COL11A1: variants seen among roughly 807,000 people sequenced by gnomAD.
The protein encoded by COL11A1 is collagen alpha-1(XI) chain.
A neutral mutation model predicts 265.2 loss-of-function variants in COL11A1; 74 were observed. The observed-to-expected ratio is 0.28, with a 90% CI of 0.23 to 0.34. COL11A1 has a LOEUF of 0.34. COL11A1 is among the 10% of genes least tolerant of loss of function. COL11A1 has a pLI of 1.00. For missense variants in COL11A1, 2,165 were observed against 2,263.6 expected (o/e 0.96, Z 0.88); for synonymous variants, 816 against 727.6 (o/e 1.12, Z -1.96).
intron 9 of COL11A1, among the ~76,000 whole-genome samples, chr1:103,021,308 A>G (rs1322459251): frequency 6.6e-6 from 1 of 152,068 alleles, no homozygotes. Flanking sequence ...TATATTTCAA[A>G]TAATGTGAAG....
intron 4 of COL11A1, among the ~76,000 whole-genome samples, chr1:103,049,879 G>A (rs1461011187): frequency 2.0e-5 from 3 of 152,172 alleles, no homozygotes; most frequent in African/African-American, 7.2e-5. Flanking sequence ...CGCTGGAAAT[G>A]AAATCCTGGG....
chr1:103,031,373 C>G (rs1418463522), intron 4 of COL11A1, 129 bp from the exon 5 acceptor site: 2 of 1,147,124 alleles, frequency 1.7e-6, no homozygotes, highest in Non-Finnish European at 2.5e-6. Flanking sequence ...ACTTATATTT[C>G]AATGTTAAGA....
chr1:102,906,983 C>T (rs1380201485), intron 54 of COL11A1, among the ~76,000 whole-genome samples: 1 of 151,980 alleles, frequency 6.6e-6, no homozygotes, highest in Admixed American at 6.6e-5. Context: ...GCCAGTTTAT[C>T]CAAACCTAAT....
chr1:103,015,700 G>A lies in COL11A1; in HGVS notation c.1456C>T (p.Pro486Ser), dbSNP rs1329454071. The change falls in exon 12 of 67, where the codon CCT (proline) becomes TCT (serine). Residue 486 changes from proline (P) to serine (S), a missense_variant. Physicochemically the swap from Pro to Ser is moderately conservative, Grantham distance 74. Coordinates refer to ENST00000370096, the MANE Select transcript of COL11A1 (RefSeq NM_001854.4). Reference sequence around the variant, plus strand: ...ATCAACATAGTACCAGGAGGACCAGGTAGACCATCAGCCCCTGGTAAGCCA... The same window carrying A: ...ATCAACATAGTACCAGGAGGACCAGATAGACCATCAGCCCCTGGTAAGCCA... ...RPGLPGADGL[P>S]GPPGTMLMLP... 3 of 1,609,376 alleles carry A rather than the reference G, an allele frequency of 1.9e-6. No individual in the cohort carries two copies. Among genetic ancestry groups the A allele is most frequent in the Non-Finnish European group, 2.5e-6 (3 of 1,177,452 alleles).
intron 9 of COL11A1, among the ~76,000 whole-genome samples, chr1:103,021,093 T>C (rs77121313): frequency 0.042 from 6,289 of 150,542 alleles, 229 homozygotes; most frequent in African/African-American, 0.095. Flanking sequence ...TTCTAATACA[T>C]TAGTTTTTCT....
chr1:102,905,432 GGAAGAAAA>G (rs1653853420), intron 54 of COL11A1, among the ~76,000 whole-genome samples: 1 of 148,054 alleles, frequency 6.8e-6, no homozygotes, highest in South Asian at 2.2e-4. Context: ...AAGGAAGAAA[GGAAGAAAA>G]GAAGGAGGGA....
chr1:102,994,425 C>G (rs1037795011), intron 28 of COL11A1, among the ~76,000 whole-genome samples: 4 of 152,046 alleles, frequency 2.6e-5, no homozygotes, highest in East Asian at 1.9e-4. Context: ...TTCTTCACCC[C>G]CTCCTGCTCC....
intron 1 of COL11A1, among the ~76,000 whole-genome samples, chr1:103,095,940 G>A (rs1673721393): frequency 6.6e-6 from 1 of 152,046 alleles, no homozygotes; most frequent in South Asian, 2.1e-4. Context: ...AAACAAGAGT[G>A]AAAGAGCTGT....
intron 9 of COL11A1, among the ~76,000 whole-genome samples, chr1:103,019,971 C>A (rs1666883011): frequency 7.0e-6 from 1 of 143,064 alleles, no homozygotes; most frequent in South Asian, 2.4e-4. Flanking sequence ...GCCACATTTT[C>A]TTAATCCAGT....
At chr1:103,041,639 T>C (rs1668816279) in intron 4 of COL11A1, among the ~76,000 whole-genome samples, 1 of 151,906 alleles carries the variant, frequency 6.6e-6, no homozygotes, top group Admixed American at 6.6e-5. Flanking sequence ...AGTATGTAAT[T>C]CGGAGAGGAC....
At chr1:102,936,386 A>T (rs949845346) in intron 44 of COL11A1, among the ~76,000 whole-genome samples, 15 of 152,272 alleles carry the variant, frequency 9.9e-5, no homozygotes, top group Middle Eastern at 6.8e-3. Flanking sequence ...GTTATAAATA[A>T]TAAATGTGAT....
intron 38 of COL11A1, among the ~76,000 whole-genome samples, chr1:102,965,275 A>G (rs181017784): frequency 6.6e-6 from 1 of 152,216 alleles, no homozygotes; most frequent in East Asian, 1.9e-4. Context: ...CTTCTCTTTT[A>G]TTCTTACAGG....
At chr1:103,030,280 T>C (rs1235978290) in intron 5 of COL11A1, among the ~76,000 whole-genome samples, 1 of 152,174 alleles carries the variant, frequency 6.6e-6, no homozygotes, top group East Asian at 1.9e-4. Flanking sequence ...AAAATATCAG[T>C]GCAACAGAAT....
intron 1 of COL11A1, among the ~76,000 whole-genome samples, chr1:103,101,889 C>A (rs1375993207): frequency 6.6e-6 from 1 of 152,010 alleles, no homozygotes; most frequent in African/African-American, 2.4e-5. Flanking sequence ...TCTCTAAGTT[C>A]TTTCTCCTAA....
In COL11A1 at chr1:102,934,439, A is replaced by G. The variant is rs1352355671; in HGVS notation, c.3600+10T>C. 7 of 1,569,736 alleles carry G rather than the reference A, an allele frequency of 4.5e-6. No individual in the cohort carries two copies. The highest frequency in any genetic ancestry group is 6.1e-6 in the Non-Finnish European group (7 of 1,139,620). ...AAATGATGGAGTAAACAATGACAGG[A>G]TCATCTTACCTGAAGACCTATTGGA... On this transcript the variant is annotated intron_variant, in intron 46 of 66. Transcript: ENST00000370096.
At chr1:103,069,000 T>C (rs1671365218) in intron 4 of COL11A1, among the ~76,000 whole-genome samples, 1 of 151,734 alleles carries the variant, frequency 6.6e-6, no homozygotes, top group South Asian at 2.1e-4. Flanking sequence ...TTGTCTTCAT[T>C]ATGATCTGTA....
chr1:103,052,052 A>G (rs1019533392), intron 4 of COL11A1, among the ~76,000 whole-genome samples: 1 of 152,052 alleles, frequency 6.6e-6, no homozygotes, highest in African/African-American at 2.4e-5. Flanking sequence ...CCTCCCTCCC[A>G]TTACCTCTCA....
chr1:102,877,245 G>T lies in COL11A1; in HGVS notation c.*774C>A, dbSNP rs748673183. ...TATACAAGTATCCTGTGAAATCCTG[G>T]ATTCTGAGAAGAAAAAGTTTGAGGT... On this transcript the variant is annotated 3_prime_UTR_variant, in exon 67 of 67. Transcript: ENST00000370096. 6.6e-6 allele frequency: 1 copy of T among 152,456 alleles called. No individual in the cohort carries two copies. The highest frequency in any genetic ancestry group is 1.5e-5 in the Non-Finnish European group (1 of 67,982). The allele number at this position is 152,456 out of a possible 1,614,324, so 9.4% of individuals were successfully genotyped here. A position where few individuals can be genotyped will look rare whatever the true frequency, so the allele number is the denominator to read the frequency against.
At chr1:103,010,159 T>C (rs1300409692) in intron 14 of COL11A1, among the ~76,000 whole-genome samples, 2 of 152,170 alleles carry the variant, frequency 1.3e-5, no homozygotes, top group Non-Finnish European at 2.9e-5. Context: ...TCTATAAAGA[T>C]AACTAGATGT....
Sources: gnomAD v4.1 joint callset for allele counts (sites outside exome capture counted in the v4.1 genomes callset) on GRCh38, gnomAD v4.1.1 for gene constraint, MANE v1.5 for transcripts, NCBI Gene and HGNC (gene_info 2026-07-23, HGNC 2026-07-21) for gene names.